Variants in TMEM132B observed in about 807,000 individuals in gnomAD.
TMEM132B encodes the protein transmembrane protein 132B.
In TMEM132B, 18 loss-of-function variants were observed where a neutral mutation model predicts 90.8. That is an observed-to-expected ratio of 0.20 (90% CI 0.14 to 0.29). The LOEUF (loss-of-function observed/expected upper bound fraction) is 0.29, where lower values mean the gene tolerates loss of function less well. Ranked by LOEUF, TMEM132B falls within the 10% of genes least tolerant of loss-of-function variation. The pLI is 1.00. For synonymous variants in TMEM132B, 504 were observed against 523.3 expected, an observed-to-expected ratio of 0.96 and a Z score of 0.50; for missense variants, 1,096 against 1,326.8, an observed-to-expected ratio of 0.83 and a Z score of 2.70.
At chr12:125,368,392 T>C (rs1878195076) in intron 2 of TMEM132B, among the ~76,000 whole-genome samples, 1 of 152,256 alleles carries the variant, frequency 6.6e-6, no homozygotes, top group Non-Finnish European at 1.5e-5. Flanking sequence ...AGGTGGTATC[T>C]GCCAGTAGTT....
intron 1 of TMEM132B, among the ~76,000 whole-genome samples, chr12:125,218,300 T>A (rs1873483709): frequency 6.6e-6 from 1 of 152,098 alleles, no homozygotes. Flanking sequence ...AATAAAAATA[T>A]TTTAAAAGAA....
intron 3 of TMEM132B, among the ~76,000 whole-genome samples, chr12:125,504,683 T>C (rs1882785545): frequency 6.6e-6 from 1 of 152,028 alleles, no homozygotes; most frequent in Non-Finnish European, 1.5e-5. Context: ...AAAAAACAGC[T>C]ATTTAAAGGT....
At chr12:125,313,825 C>T (rs1052727721) in intron 1 of TMEM132B, among the ~76,000 whole-genome samples, 1 of 149,218 alleles carries the variant, frequency 6.7e-6, no homozygotes, top group Admixed American at 6.7e-5. Flanking sequence ...GTGTCATGCT[C>T]TTGAAATTCT....
chr12:125,432,547 A>G (rs1880567792), intron 3 of TMEM132B, among the ~76,000 whole-genome samples: 1 of 118,678 alleles, frequency 8.4e-6, no homozygotes, highest in East Asian at 2.6e-4. Context: ...AGAGAGAGAG[A>G]GAGAGAGAGA....
chr12:125,560,649 C>A (rs1215333796), intron 4 of TMEM132B, among the ~76,000 whole-genome samples: 1 of 150,250 alleles, frequency 6.7e-6, no homozygotes, highest in African/African-American at 2.5e-5. Context: ...GGTGAAACCC[C>A]GTCTCTACTA....
intron 7 of TMEM132B, 30 bp downstream of exon 7, chr12:125,650,983 A>G: frequency 6.2e-7 from 1 of 1,609,928 alleles, no homozygotes; most frequent in South Asian, 1.1e-5. Flanking sequence ...GCCCAACAGC[A>G]GTCTGTGTTG....
chr12:125,239,381 G>C (rs1874012157), intron 1 of TMEM132B, among the ~76,000 whole-genome samples: 1 of 152,130 alleles, frequency 6.6e-6, no homozygotes, highest in Admixed American at 6.5e-5. Context: ...AAGTCAAACG[G>C]CTTTAAGAAA....
Position 125,517,326 on chromosome 12 carries a change from GATTTTTT to G in TMEM132B, c.1107-2112_1107-2106del, listed in dbSNP as rs1206862914. On this transcript the variant is annotated intron_variant, in intron 3 of 8. Coordinates refer to ENST00000682704, the MANE Select transcript of TMEM132B (RefSeq NM_001366854.1). The stretch of plus-strand genomic sequence containing the variant: ...CAGGCGCCCGCCACCATGCCCTGCT[GATTTTTT>G]TTTTTTTTTTTTTTTTTTTTTTTTT... Among the ~76,000 whole-genome samples, 67 of 88,014 alleles carry G rather than the reference GATTTTTT, an allele frequency of 7.6e-4. 14 individuals carry two copies. Among genetic ancestry groups the G allele is most frequent in the Admixed American group, 2.3e-3 (17 of 7,400 alleles). The allele number at this position is 88,014 out of a possible 152,430, so 57.7% of individuals were successfully genotyped here.
At chr12:125,600,683 T>C (rs1885547009) in intron 5 of TMEM132B, among the ~76,000 whole-genome samples, 1 of 152,218 alleles carries the variant, frequency 6.6e-6, no homozygotes, top group African/African-American at 2.4e-5. Flanking sequence ...TATTTGGTGT[T>C]TGGGCATTTT....
chr12:125,488,282 A>G (rs1241827040), intron 3 of TMEM132B, among the ~76,000 whole-genome samples: 2 of 152,216 alleles, frequency 1.3e-5, no homozygotes, highest in African/African-American at 4.8e-5. Flanking sequence ...TGGAAAAGAA[A>G]TGGGTCATAA....
intron 3 of TMEM132B, among the ~76,000 whole-genome samples, chr12:125,484,969 T>G (rs1008761919): frequency 6.6e-6 from 1 of 152,128 alleles, no homozygotes; most frequent in African/African-American, 2.4e-5. Flanking sequence ...AAAACTCAAC[T>G]TCTGCTCAAG....
intron 2 of TMEM132B, among the ~76,000 whole-genome samples, chr12:125,372,365 A>C (rs1181822655): frequency 5.3e-5 from 8 of 152,230 alleles, no homozygotes; most frequent in Non-Finnish European, 7.3e-5. Context: ...ACTTACCTCC[A>C]GGATCCCCAA....
intron 1 of TMEM132B, among the ~76,000 whole-genome samples, chr12:125,331,198 C>T (rs946122149): frequency 6.6e-6 from 1 of 152,218 alleles, no homozygotes; most frequent in Non-Finnish European, 1.5e-5. Flanking sequence ...GGGCTCAGTC[C>T]GGGCTCCCGG....
intron 1 of TMEM132B, among the ~76,000 whole-genome samples, chr12:125,189,877 T>A (rs1348282856): frequency 6.6e-6 from 1 of 152,160 alleles, no homozygotes; most frequent in Non-Finnish European, 1.5e-5. Context: ...GTCTCCCAGC[T>A]CTATGTGGCT....
chr12:125,437,741 T>C (rs7961166), intron 3 of TMEM132B, among the ~76,000 whole-genome samples: 1 of 152,124 alleles, frequency 6.6e-6, no homozygotes, highest in South Asian at 2.1e-4. Context: ...TGGTGTGTGA[T>C]TCCATATATA....
chr12:125,448,753 T>C (rs1881070017), intron 3 of TMEM132B, among the ~76,000 whole-genome samples: 1 of 152,108 alleles, frequency 6.6e-6, no homozygotes, highest in South Asian at 2.1e-4. Context: ...CCCAAATTGT[T>C]TTTCAAAGTG....
intron 5 of TMEM132B, among the ~76,000 whole-genome samples, chr12:125,630,241 A>G (rs769507745): frequency 2.0e-5 from 3 of 152,054 alleles, no homozygotes; most frequent in African/African-American, 4.8e-5. Context: ...TAGTTGGTAT[A>G]ATTTAGCAAT....
At chr12:125,576,406 T>A (rs542325294) in intron 4 of TMEM132B, among the ~76,000 whole-genome samples, 7 of 152,156 alleles carry the variant, frequency 4.6e-5, no homozygotes, top group African/African-American at 1.7e-4. Flanking sequence ...TCATGTCATC[T>A]GCAAATAGGT....
At chr12:125,456,354 A>C (rs1881292547) in intron 3 of TMEM132B, among the ~76,000 whole-genome samples, 1 of 152,196 alleles carries the variant, frequency 6.6e-6, no homozygotes, top group Admixed American at 6.5e-5. Flanking sequence ...GCATTTATTG[A>C]TCACCAGCTG....
Sources: gnomAD v4.1 joint callset for allele counts (sites outside exome capture counted in the v4.1 genomes callset) on GRCh38, gnomAD v4.1.1 for gene constraint, MANE v1.5 for transcripts, NCBI Gene and HGNC (gene_info 2026-07-23, HGNC 2026-07-21) for gene names.